Variants in DCLK2 observed in about 807,000 individuals in gnomAD.
DCLK2 encodes doublecortin like kinase 2.
DCLK2 carries 31 observed loss-of-function variants against 78.4 expected under a neutral mutation model. The ratio of observed to expected loss-of-function variants is 0.40; its 90% CI spans 0.30 to 0.53. DCLK2 has a LOEUF of 0.53. Ranked by LOEUF, DCLK2 falls within the 20% of genes least tolerant of loss-of-function variation. DCLK2 has a pLI of 0.61. For missense variants in DCLK2, 872 were observed against 973.7 expected (o/e 0.90, Z 1.39); for synonymous variants, 407 against 374.9 (o/e 1.09, Z -0.99).
At chr4:150,235,773 C>T (rs1742452432) in intron 10 of DCLK2, among the ~76,000 whole-genome samples, 1 of 152,188 alleles carries the variant, frequency 6.6e-6, no homozygotes, top group Non-Finnish European at 1.5e-5. Context: ...GAGTGACTGT[C>T]GGCCTCTTCT....
At chr4:150,179,790 C>G (rs1430508164) in intron 2 of DCLK2, among the ~76,000 whole-genome samples, 4 of 152,128 alleles carry the variant, frequency 2.6e-5, no homozygotes, top group Non-Finnish European at 5.9e-5. Context: ...TTGCACCAAC[C>G]TAATAAAACC....
chr4:150,240,749 T>TA (rs372514541), intron 12 of DCLK2, among the ~76,000 whole-genome samples: 1,087 of 59,932 alleles, frequency 0.018, 4 homozygotes, highest in Non-Finnish European at 0.025. Context: ...TAAAATATAA[T>TA]AAAAAAAAAA....
intron 5 of DCLK2, among the ~76,000 whole-genome samples, chr4:150,213,454 T>C (rs1740457575): frequency 6.6e-6 from 1 of 152,250 alleles, no homozygotes; most frequent in South Asian, 2.1e-4. Context: ...AATAAAGGTT[T>C]CTGTTCTTGG....
chr4:150,118,390 A>G (rs1373187294), intron 2 of DCLK2, among the ~76,000 whole-genome samples: 3 of 152,208 alleles, frequency 2.0e-5, no homozygotes, highest in East Asian at 1.9e-4. Flanking sequence ...TAGATTAAAG[A>G]GTGATTAGTA....
intron 4 of DCLK2, among the ~76,000 whole-genome samples, chr4:150,202,223 A>G (rs1739510215): frequency 6.6e-6 from 1 of 152,226 alleles, no homozygotes; most frequent in Admixed American, 6.5e-5. Context: ...TTTAGAAGAA[A>G]TAACATTAAT....
chr4:150,235,303 T>G (rs1163810190), intron 10 of DCLK2, among the ~76,000 whole-genome samples: 1 of 152,226 alleles, frequency 6.6e-6, no homozygotes, highest in Non-Finnish European at 1.5e-5. Context: ...GCCTCCTTTT[T>G]TCTTGTCACA....
At chr4:150,255,916 C>T in intron 15 of DCLK2, 104 bp from the exon 16 acceptor site, 1 of 1,476,316 alleles carries the variant, frequency 6.8e-7, no homozygotes, top group Non-Finnish European at 9.0e-7. Context: ...TTCTCCTCTT[C>T]TGTTTCTGAG....
intron 2 of DCLK2, among the ~76,000 whole-genome samples, chr4:150,186,691 A>G (rs951634926): frequency 2.0e-5 from 3 of 152,216 alleles, no homozygotes; most frequent in Non-Finnish European, 4.4e-5. Flanking sequence ...TTCTACATTA[A>G]AAAGTATCAA....
Position 150,239,829 on chromosome 4 carries a change from T to C in DCLK2, c.1654T>C (p.Cys552Arg). The change falls in exon 11 of 16, where the codon TGT becomes CGT. Residue 552 changes from cysteine to arginine, a missense_variant. Coordinates refer to ENST00000296550, the MANE Select transcript of DCLK2 (RefSeq NM_001040260.4). ...GGTAGAAGGCCCTTTATACACAGTC[T>C]GTGGCACACCCACTTATGTGGCTCC... Reference protein sequence around the residue: ...TVVEGPLYTVCGTPTYVAPEI... With the variant: ...TVVEGPLYTVRGTPTYVAPEI... 6.2e-7 allele frequency: 1 copy of C among 1,614,256 alleles called. No homozygotes were observed. Among genetic ancestry groups the C allele is most frequent in the Non-Finnish European group, 8.5e-7 (1 of 1,180,044 alleles).
chr4:150,167,394 T>C (rs914785813), intron 2 of DCLK2, among the ~76,000 whole-genome samples: 3 of 152,220 alleles, frequency 2.0e-5, no homozygotes, highest in Admixed American at 2.0e-4. Flanking sequence ...CCCTTTGACT[T>C]TGCACCAGTG....
chr4:150,117,703 C>T (rs1193958323), intron 2 of DCLK2, among the ~76,000 whole-genome samples: 2 of 152,182 alleles, frequency 1.3e-5, no homozygotes, highest in Non-Finnish European at 1.5e-5. Context: ...ATATTCCCCA[C>T]TGCTCACTAA....
chr4:150,081,574 A>G (rs1729277093), intron 1 of DCLK2, among the ~76,000 whole-genome samples: 1 of 152,210 alleles, frequency 6.6e-6, no homozygotes, highest in Non-Finnish European at 1.5e-5. Context: ...CAATAAAATT[A>G]CTGCAAAAGA....
chr4:150,081,425 T>C (rs1336409495), intron 1 of DCLK2, among the ~76,000 whole-genome samples: 1 of 152,170 alleles, frequency 6.6e-6, no homozygotes, highest in Non-Finnish European at 1.5e-5. Context: ...TTCACTGATT[T>C]TTAGTGGATG....
chr4:150,172,807 A>AC (rs1376690797), intron 2 of DCLK2, among the ~76,000 whole-genome samples: 1 of 144,560 alleles, frequency 6.9e-6, no homozygotes, highest in Admixed American at 7.1e-5. Flanking sequence ...GCCTGGCAGT[A>AC]CAAAAAATTT....
intron 1 of DCLK2, among the ~76,000 whole-genome samples, chr4:150,094,347 G>A (rs1213638621): frequency 6.6e-6 from 1 of 152,200 alleles, no homozygotes; most frequent in Non-Finnish European, 1.5e-5. Context: ...TTTAAATGTA[G>A]AGAGATTACT....
At chr4:150,138,770 A>C (rs1017486224) in intron 2 of DCLK2, among the ~76,000 whole-genome samples, 1 of 151,996 alleles carries the variant, frequency 6.6e-6, no homozygotes, top group South Asian at 2.1e-4. Context: ...GGGTTCAAGC[A>C]ATTCTTCTGC....
At chr4:150,251,860 G>T (rs547582664) in intron 15 of DCLK2, among the ~76,000 whole-genome samples, 1 of 150,826 alleles carries the variant, frequency 6.6e-6, no homozygotes, top group South Asian at 2.1e-4. Context: ...TCTGTCCCCC[G>T]GCTGCGTTTA....
intron 2 of DCLK2, among the ~76,000 whole-genome samples, chr4:150,154,840 A>G (rs545348796): frequency 6.6e-6 from 1 of 152,326 alleles, no homozygotes; most frequent in East Asian, 1.9e-4. Flanking sequence ...AGTTGTGACA[A>G]GTGTATAGTC....
chr4:150,132,157 A>C (rs926849811), intron 2 of DCLK2, among the ~76,000 whole-genome samples: 1 of 151,620 alleles, frequency 6.6e-6, no homozygotes, highest in East Asian at 1.9e-4. Context: ...GGCTGCTGCT[A>C]TCCCCTCCTC....
Sources: allele counts gnomAD v4.1 joint callset (sites outside exome capture counted in the v4.1 genomes callset), GRCh38; gene constraint gnomAD v4.1.1; transcripts MANE v1.5; gene names NCBI Gene and HGNC (gene_info 2026-07-23, HGNC 2026-07-21).